The following NME7 variants were observed in gnomAD, a reference collection of about 807,000 sequenced individuals.
NME7 encodes NME/NM23 family member 7.
A neutral mutation model predicts 49.1 loss-of-function variants in NME7; 41 were observed. That is an observed-to-expected ratio of 0.83 (90% CI 0.65 to 1.08). The LOEUF (loss-of-function observed/expected upper bound fraction) is 1.08. Among genes scored for constraint, NME7 ranks in the 50% least tolerant of loss-of-function variants. NME7 has a pLI of 0.00. For missense variants in NME7, 423 were observed against 463.4 expected (o/e 0.91, Z 0.80); for synonymous variants, 139 against 150.6 (o/e 0.92, Z 0.56).
intron 11 of NME7, among the ~76,000 whole-genome samples, chr1:169,147,629 A>AATG (rs34440651): frequency 0.39 from 59,858 of 151,922 alleles, 12,110 homozygotes; most frequent in East Asian, 0.73. Context: ...ATCAATAAGC[A>AATG]ATAAGAAAGA....
intron 11 of NME7, among the ~76,000 whole-genome samples, chr1:169,137,461 C>T (rs954502042): frequency 1.6e-4 from 24 of 152,000 alleles, no homozygotes; most frequent in African/African-American, 4.3e-4. Context: ...GAGAGTTGGG[C>T]GGGTTGGGGA....
intron 1 of NME7, among the ~76,000 whole-genome samples, chr1:169,365,224 T>G (rs1262484097): frequency 6.6e-6 from 1 of 152,148 alleles, no homozygotes; most frequent in Non-Finnish European, 1.5e-5. Context: ...CCTACCAACC[T>G]GCCCACAAAA....
At chr1:169,365,584 G>A (rs1433222233) in intron 1 of NME7, among the ~76,000 whole-genome samples, 1 of 152,164 alleles carries the variant, frequency 6.6e-6, no homozygotes, top group Non-Finnish European at 1.5e-5. Flanking sequence ...GTATGGAAAG[G>A]GAAAGGCAAA....
In NME7 at chr1:169,342,996, A is replaced by AGT. The variant is rs567009660; in HGVS notation, c.4-18498_4-18497dup. Among the ~76,000 whole-genome samples, 19 of 68,718 alleles carry AGT rather than the reference A, an allele frequency of 2.8e-4. 2 individuals carry two copies. Among genetic ancestry groups the AGT allele is most frequent in the African/African-American group, 7.9e-4 (18 of 22,908 alleles). The allele number at this position is 68,718 out of a possible 152,430, so 45.1% of individuals were successfully genotyped here. On this transcript the variant is annotated intron_variant, in intron 1 of 11. Transcript: ENST00000367811. The stretch of plus-strand genomic sequence containing the variant: ...ACAAGTACATATATATACTTGTATT[A>AGT]GTATATATATATATATATGCATATA...
chr1:169,355,554 C>G (rs982662691), intron 1 of NME7, among the ~76,000 whole-genome samples: 1 of 150,494 alleles, frequency 6.6e-6, no homozygotes, highest in Non-Finnish European at 1.5e-5. Flanking sequence ...TCCAGTTACA[C>G]TGGCCTTCTT....
At chr1:169,334,163 T>C (rs958617338) in intron 1 of NME7, among the ~76,000 whole-genome samples, 1 of 150,400 alleles carries the variant, frequency 6.6e-6, no homozygotes, top group Non-Finnish European at 1.5e-5. Flanking sequence ...AACTAGTCAA[T>C]CTATTTCAAG....
intron 7 of NME7, among the ~76,000 whole-genome samples, chr1:169,238,050 G>A (rs1647929616): frequency 6.6e-6 from 1 of 151,992 alleles, no homozygotes; most frequent in Non-Finnish European, 1.5e-5. Context: ...ACCAGATACA[G>A]AAGGAATTCA....
At chr1:169,282,974 G>A (rs573647627) in intron 7 of NME7, among the ~76,000 whole-genome samples, 2 of 152,268 alleles carry the variant, frequency 1.3e-5, no homozygotes, top group African/African-American at 4.8e-5. Context: ...GCTTGGTTTA[G>A]AGCTGAGTTC....
Position 169,257,570 on chromosome 1 carries a change from C to T in NME7, c.755-19883G>A, listed in dbSNP as rs936693320. ...GCTGTAGACCGGAGCTGTTCCTATT[C>T]GGCCATCTTGGCTCCTCCCCCTCTG... On this transcript the variant is annotated intron_variant, in intron 7 of 11. Transcript: ENST00000367811. Among the ~76,000 whole-genome samples the T allele has an allele frequency of 6.7e-5, 9 of 134,122 alleles. 2 individuals are homozygous for T. Among genetic ancestry groups the T allele is most frequent in the Non-Finnish European group, 1.1e-4 (6 of 57,036 alleles). The allele number at this position is 134,122 out of a possible 152,430, so 88.0% of individuals were successfully genotyped here. A position where few individuals can be genotyped will look rare whatever the true frequency, so the allele number is the denominator to read the frequency against.
chr1:169,355,054 AATATACT>A lies in NME7; in HGVS notation c.3+12647_3+12653del, dbSNP rs1341737622. 2.9e-3 allele frequency among the ~76,000 whole-genome samples: 223 copies of A among 75,680 alleles called. 13 individuals carry two copies. Among genetic ancestry groups the A allele is most frequent in the African/African-American group, 0.011 (212 of 18,506 alleles). 49.6% of individuals were successfully genotyped at this position (75,680 alleles called of 152,430 possible). A position where few individuals can be genotyped will look rare whatever the true frequency, so the allele number is the denominator to read the frequency against. ...ATTATATATTATAGATATAATATAT[AATATACT>A]ATATATTATAGATATAATATATAAT... On this transcript the variant is annotated intron_variant, in intron 1 of 11. Transcript: ENST00000367811.
intron 10 of NME7, among the ~76,000 whole-genome samples, chr1:169,177,447 C>G (rs1428942680): frequency 6.6e-6 from 1 of 152,056 alleles, no homozygotes; most frequent in South Asian, 2.1e-4. Context: ...TTGAATCATA[C>G]CACTTTCCTG....
At chr1:169,277,404 C>T (rs1047243637) in intron 7 of NME7, among the ~76,000 whole-genome samples, 26 of 138,662 alleles carry the variant, frequency 1.9e-4, no homozygotes, top group African/African-American at 6.4e-4. Flanking sequence ...GGATAGTTAG[C>T]TCTTCTTGTT....
chr1:169,187,139 G>A (rs918357288), intron 10 of NME7, among the ~76,000 whole-genome samples: 8 of 152,016 alleles, frequency 5.3e-5, no homozygotes, highest in East Asian at 3.9e-4. Flanking sequence ...TATGATTTTC[G>A]TTCTTCTGCA....
At chr1:169,284,490 G>C (rs1278507868) in intron 7 of NME7, 1 of 151,882 alleles carries the variant, frequency 6.6e-6, no homozygotes, top group Non-Finnish European at 1.5e-5. Flanking sequence ...TTAAACCTTT[G>C]TGAAATGGAT....
intron 11 of NME7, among the ~76,000 whole-genome samples, chr1:169,133,997 C>G (rs1365343580): frequency 2.6e-5 from 4 of 152,178 alleles, no homozygotes; most frequent in Non-Finnish European, 5.9e-5. Context: ...TGTTCTAAGC[C>G]ATTGTGTGTG....
intron 11 of NME7, among the ~76,000 whole-genome samples, chr1:169,158,873 C>T (rs755699451): frequency 5.9e-5 from 9 of 152,096 alleles, no homozygotes; most frequent in Non-Finnish European, 1.2e-4. Flanking sequence ...TTAGCTAGGG[C>T]CAGTTCCATT....
chr1:169,228,641 C>T (rs1647448258), intron 10 of NME7, among the ~76,000 whole-genome samples: 1 of 141,546 alleles, frequency 7.1e-6, no homozygotes, highest in African/African-American at 2.7e-5. Context: ...TGCGCCACTG[C>T]AGTCCGCAGT....
chr1:169,239,106 TGAG>T (rs1309811929), intron 7 of NME7, among the ~76,000 whole-genome samples: 23 of 151,936 alleles, frequency 1.5e-4, no homozygotes, highest in African/African-American at 5.6e-4. Context: ...ACAAAAATGT[TGAG>T]TGAGAAAATA....
intron 1 of NME7, among the ~76,000 whole-genome samples, chr1:169,361,635 C>A (rs1653657996): frequency 6.6e-6 from 1 of 151,996 alleles, no homozygotes; most frequent in Admixed American, 6.6e-5. Context: ...CAAAAGTTAG[C>A]CAGGCGTGGT....
Sources: gnomAD v4.1 joint callset for allele counts (sites outside exome capture counted in the v4.1 genomes callset) on GRCh38, gnomAD v4.1.1 for gene constraint, MANE v1.5 for transcripts, NCBI Gene and HGNC (gene_info 2026-07-23, HGNC 2026-07-21) for gene names.